TMEM38B: variants seen among roughly 807,000 people sequenced by gnomAD.
TMEM38B encodes the protein trimeric intracellular cation channel type B.
Under a neutral mutation model 28.7 loss-of-function variants are expected in TMEM38B, and 24 were observed. The ratio of observed to expected loss-of-function variants is 0.84; its 90% CI spans 0.61 to 1.18. The LOEUF (loss-of-function observed/expected upper bound fraction) is 1.18. Ranked by LOEUF, TMEM38B falls within the 50% of genes most tolerant of loss-of-function variation. The pLI, the probability that TMEM38B is intolerant of heterozygous loss-of-function variation, is 0.00. For synonymous variants in TMEM38B, 131 were observed against 127.7 expected, an observed-to-expected ratio of 1.03 and a Z score of -0.17; for missense variants, 380 against 350.9, an observed-to-expected ratio of 1.08 and a Z score of -0.66.
At chr9:105,749,094 T>C (rs1837547319) in intron 5 of TMEM38B, 2 of 1,303,892 alleles carry the variant, frequency 1.5e-6, no homozygotes, top group Non-Finnish European at 2.0e-6. Flanking sequence ...TTGGAGATGA[T>C]CTGTGGCTGT....
In TMEM38B at chr9:105,776,628, C is replaced by T. The variant is rs1588489361; in HGVS notation, c.*2548C>T. The stretch of plus-strand genomic sequence containing the variant: ...TATAGTGTTTGCCCCAGGTGTAATT[C>T]ACATCCTTGGTAATATTCATTCAGT... On this transcript the variant is annotated 3_prime_UTR_variant, in exon 6 of 6. Coordinates refer to ENST00000374692, the MANE Select transcript of TMEM38B (RefSeq NM_018112.3). The T allele has an allele frequency of 6.6e-6, 1 of 152,242 alleles. No individual in the cohort carries two copies. Among genetic ancestry groups the T allele is most frequent in the East Asian group, 1.9e-4 (1 of 5,182 alleles). The allele number at this position is 152,242 out of a possible 1,614,324, so 9.4% of individuals were successfully genotyped here.
In TMEM38B at chr9:105,758,851, T is replaced by A. The variant is rs1837929894; in HGVS notation, c.660+10661T>A. 7 of 970,636 alleles carry A rather than the reference T, an allele frequency of 7.2e-6. No homozygotes were observed. In the East Asian group the frequency reaches 1.7e-4, roughly 23 times the overall value. 60.1% of individuals were successfully genotyped at this position (970,636 alleles called of 1,614,324 possible). On this transcript the variant is annotated intron_variant, in intron 5 of 5. Transcript: ENST00000374692. The stretch of plus-strand genomic sequence containing the variant: ...ATCAATGAAGATCAAGAAAATGCAG[T>A]TGATAATAGAAAACTAAGCCAGGAA...
intron 4 of TMEM38B, among the ~76,000 whole-genome samples, chr9:105,732,058 T>C (rs368143243): frequency 1.3e-5 from 2 of 152,226 alleles, no homozygotes; most frequent in East Asian, 3.8e-4. Flanking sequence ...TCATGACCAG[T>C]AGTGATGAGC....
chr9:105,769,455 A>T (rs936183222), intron 5 of TMEM38B, among the ~76,000 whole-genome samples: 1 of 152,132 alleles, frequency 6.6e-6, no homozygotes, highest in Non-Finnish European at 1.5e-5. Flanking sequence ...AGTTGGGACT[A>T]CAGGTGTGTG....
intron 5 of TMEM38B, among the ~76,000 whole-genome samples, chr9:105,757,653 T>C (rs1366667302): frequency 6.6e-6 from 1 of 152,118 alleles, no homozygotes; most frequent in East Asian, 1.9e-4. Context: ...AAAGGAGTAA[T>C]TGTGAAATAG....
intron 5 of TMEM38B, among the ~76,000 whole-genome samples, chr9:105,768,462 A>T (rs7020523): frequency 0.21 from 31,959 of 151,886 alleles, 5,220 homozygotes; most frequent in East Asian, 0.47. Context: ...AATTTCTCTA[A>T]TCTCTGAGTT....
rs1837500261 is a variant in TMEM38B, at chr9:105,748,160, C to G, written c.630C>G (p.Phe210Leu). Reference sequence around the variant, plus strand: ...CAATATCAAAGCATAATCTTATGTTCCTTTATACCATCTTTATTGTGGCCA... The same window carrying G: ...CAATATCAAAGCATAATCTTATGTTGCTTTATACCATCTTTATTGTGGCCA... ...HLAISKHNLM[F>L]LYTIFIVATK... The change falls in exon 5 of 6, where the codon TTC becomes TTG. Residue 210 changes from phenylalanine to leucine, a missense_variant. By Grantham distance (22) the Phe-to-Leu change is conservative (BLOSUM62 0). Transcript: ENST00000374692. The G allele has an allele frequency of 1.2e-6, 2 of 1,612,844 alleles. No individual in the cohort carries two copies. Among genetic ancestry groups the G allele is most frequent in the Admixed American group, 1.7e-5 (1 of 59,922 alleles).
chr9:105,737,213 C>G (rs1837016874), intron 4 of TMEM38B, among the ~76,000 whole-genome samples: 1 of 152,158 alleles, frequency 6.6e-6, no homozygotes, highest in African/African-American at 2.4e-5. Context: ...GTCTGTGATG[C>G]TGAGGTTCAC....
At chr9:105,758,328 T>G in intron 5 of TMEM38B, 1 of 824,826 alleles carries the variant, frequency 1.2e-6, no homozygotes, top group South Asian at 1.4e-5. Flanking sequence ...GAGCTAGAAT[T>G]CAGATCTTCC....
chr9:105,729,872 G>T (rs1200142409), intron 4 of TMEM38B, among the ~76,000 whole-genome samples: 1 of 151,734 alleles, frequency 6.6e-6, no homozygotes, highest in Non-Finnish European at 1.5e-5. Flanking sequence ...TCATGATTTG[G>T]CTCTCGGTCT....
At chr9:105,723,484 T>C (rs1836398954) in intron 4 of TMEM38B, among the ~76,000 whole-genome samples, 1 of 151,970 alleles carries the variant, frequency 6.6e-6, no homozygotes, top group South Asian at 2.1e-4. Context: ...CTTGATCTCT[T>C]GGGCTCAAGT....
chr9:105,726,669 C>CTCA (rs1836527151), intron 4 of TMEM38B, among the ~76,000 whole-genome samples: 1 of 152,088 alleles, frequency 6.6e-6, no homozygotes, highest in African/African-American at 2.4e-5. Context: ...GCTGCAGTGG[C>CTCA]TCATGTCTGT....
intron 4 of TMEM38B, among the ~76,000 whole-genome samples, chr9:105,747,711 C>T (rs1044431485): frequency 2.0e-5 from 3 of 151,206 alleles, no homozygotes; most frequent in African/African-American, 2.4e-5. Context: ...CTTGTGGGCA[C>T]CTAGTGCTAT....
At chr9:105,729,707 C>T (rs1836660736) in intron 4 of TMEM38B, among the ~76,000 whole-genome samples, 2 of 152,134 alleles carry the variant, frequency 1.3e-5, no homozygotes, top group Admixed American at 6.5e-5. Flanking sequence ...TTCTTCCTAC[C>T]CATGAGCAAG....
intron 5 of TMEM38B, among the ~76,000 whole-genome samples, chr9:105,773,322 T>C (rs1826619999): frequency 1.3e-5 from 2 of 152,126 alleles, no homozygotes; most frequent in African/African-American, 4.8e-5. Flanking sequence ...ATTCTGCAAG[T>C]CACTAAAAGT....
chr9:105,736,301 C>CT (rs1174681654), intron 4 of TMEM38B, among the ~76,000 whole-genome samples: 2 of 151,928 alleles, frequency 1.3e-5, no homozygotes, highest in Non-Finnish European at 2.9e-5. Flanking sequence ...CTTTTTCATT[C>CT]TTTTTCCTTT....
intron 2 of TMEM38B, among the ~76,000 whole-genome samples, chr9:105,719,556 G>A (rs551707877): frequency 2.6e-5 from 4 of 152,102 alleles, no homozygotes; most frequent in African/African-American, 9.7e-5. Flanking sequence ...ATAAACAATT[G>A]TTCTTTTGCC....
intron 5 of TMEM38B, among the ~76,000 whole-genome samples, chr9:105,750,865 TTG>T (rs2133623099): frequency 6.6e-6 from 1 of 152,348 alleles, no homozygotes; most frequent in East Asian, 1.9e-4. Context: ...GGATATATAG[TTG>T]TCTGAGCACT....
rs139487717 is a variant in TMEM38B, at chr9:105,706,015, C to T, written c.269+262C>T. Among the ~76,000 whole-genome samples the T allele has an allele frequency of 3.4e-3, 523 of 151,850 alleles. 7 individuals carry two copies. In the Middle Eastern group the frequency reaches 0.058, roughly 17 times the overall value. ...TCCTGGGTTCAAGTGATTCTTCTGCCTCAACCTCTGGAGTAGCTGGAATTA... is the reference window on the plus strand; with the variant it reads ...TCCTGGGTTCAAGTGATTCTTCTGCTTCAACCTCTGGAGTAGCTGGAATTA... On this transcript the variant is annotated intron_variant, in intron 2 of 5. Coordinates refer to ENST00000374692, the MANE Select transcript of TMEM38B (RefSeq NM_018112.3).
Sources: gnomAD v4.1 joint callset for allele counts (sites outside exome capture counted in the v4.1 genomes callset) on GRCh38, gnomAD v4.1.1 for gene constraint, MANE v1.5 for transcripts, NCBI Gene and HGNC (gene_info 2026-07-23, HGNC 2026-07-21) for gene names.